The following TMEM117 variants were observed in gnomAD, a reference collection of about 807,000 sequenced individuals.
The protein encoded by TMEM117 is transmembrane protein 117.
In TMEM117, 27 loss-of-function variants were observed where a neutral mutation model predicts 52.4. The ratio of observed to expected loss-of-function variants is 0.51; its 90% CI spans 0.38 to 0.71. TMEM117 has a LOEUF of 0.71. TMEM117 is among the 30% of genes least tolerant of loss of function. The probability of loss-of-function intolerance (pLI) is 0.00; values close to 1 mark genes in which losing one functional copy is unlikely to be tolerated. For missense variants in TMEM117, 556 were observed against 630.5 expected (o/e 0.88, Z 1.26); for synonymous variants, 215 against 206.3 (o/e 1.04, Z -0.36).
At chr12:44,245,804 T>C (rs1047246809) in intron 5 of TMEM117, among the ~76,000 whole-genome samples, 2 of 152,060 alleles carry the variant, frequency 1.3e-5, no homozygotes, top group African/African-American at 2.4e-5. Context: ...ATTAGAATGA[T>C]TGTTAGGAAA....
chr12:44,084,575 C>T (rs1447524581), intron 3 of TMEM117, among the ~76,000 whole-genome samples: 1 of 151,968 alleles, frequency 6.6e-6, no homozygotes, highest in African/African-American at 2.4e-5. Context: ...TCATTCTTTC[C>T]CTCATCTGTA....
intron 4 of TMEM117, among the ~76,000 whole-genome samples, chr12:44,195,908 A>ATAAT (rs778810332): frequency 9.4e-5 from 14 of 149,254 alleles, no homozygotes; most frequent in Middle Eastern, 3.2e-3. Flanking sequence ...AAATAAATAA[A>ATAAT]TAAATAAATA....
At chr12:43,966,910 A>G (rs1945494075) in intron 3 of TMEM117, among the ~76,000 whole-genome samples, 1 of 152,218 alleles carries the variant, frequency 6.6e-6, no homozygotes, top group African/African-American at 2.4e-5. Context: ...CAAATCTGTC[A>G]TGCCCTGCCT....
intron 3 of TMEM117, among the ~76,000 whole-genome samples, chr12:44,042,791 C>G (rs959948739): frequency 6.6e-5 from 10 of 151,264 alleles, no homozygotes; most frequent in Non-Finnish European, 1.5e-4. Context: ...CACACACACA[C>G]ACACACACAC....
rs772258917 is a variant in TMEM117 at position 44,086,214 on chromosome 12, CTTT to C, written c.411-57295_411-57293del. ...AGTATCTTGGATGTTGCTTCCAAGT[CTTT>C]TTTTTTTTTTTTTTTGAGATGGAGT... is the stretch of plus-strand genomic sequence containing the variant. On this transcript the variant is annotated intron_variant, in intron 3 of 7. Transcript: ENST00000266534. Among the ~76,000 whole-genome samples, 14 of 125,368 alleles carry C rather than the reference CTTT, an allele frequency of 1.1e-4. No homozygotes were observed. The South Asian group carries it at 2.6e-3, about 24-fold the overall frequency. 82.2% of individuals were successfully genotyped at this position (125,368 alleles called of 152,430 possible).
At chr12:43,976,869 G>A (rs530555758) in intron 3 of TMEM117, among the ~76,000 whole-genome samples, 1 of 152,288 alleles carries the variant, frequency 6.6e-6, no homozygotes, top group East Asian at 1.9e-4. Context: ...CCTAGAATTA[G>A]TAAATAACAT....
intron 2 of TMEM117, among the ~76,000 whole-genome samples, chr12:43,929,065 G>T (rs1304422674): frequency 6.6e-6 from 1 of 151,746 alleles, no homozygotes; most frequent in Non-Finnish European, 1.5e-5. Flanking sequence ...ATGTGTGCAT[G>T]TGTCTTTATA....
chr12:44,381,822 T>TA (rs1288239680), intron 7 of TMEM117, among the ~76,000 whole-genome samples: 1 of 152,084 alleles, frequency 6.6e-6, no homozygotes, highest in Non-Finnish European at 1.5e-5. Flanking sequence ...TGTTTTTTTT[T>TA]AAAGAGCTCT....
chr12:43,889,216 G>A lies in TMEM117; in HGVS notation c.277+44288G>A, dbSNP rs549793641. On this transcript the variant is annotated intron_variant, in intron 2 of 7. Transcript: ENST00000266534. Reference sequence around the variant, plus strand: ...TCCTGCCTCAGCCTCATGAGTAGCTGGGATTACAGGCGTCTGCCACCATGC... The same window carrying A: ...TCCTGCCTCAGCCTCATGAGTAGCTAGGATTACAGGCGTCTGCCACCATGC... 4.8e-4 allele frequency among the ~76,000 whole-genome samples: 73 copies of A among 152,090 alleles called. 2 individuals are homozygous for A. In the South Asian group the frequency reaches 0.015, roughly 31 times the overall value.
At chr12:43,938,408 G>C (rs1336096356) in intron 2 of TMEM117, among the ~76,000 whole-genome samples, 1 of 151,794 alleles carries the variant, frequency 6.6e-6, no homozygotes, top group Non-Finnish European at 1.5e-5. Context: ...AGAAGTGCTA[G>C]GGCAAAAGCG....
At chr12:43,800,317 C>T in the TMEM117 span, 1 of 684,484 alleles carries the variant, frequency 1.5e-6, no homozygotes, top group South Asian at 2.0e-5. Context: ...TACAGTATTT[C>T]TCTTATTCTC....
the TMEM117 span, chr12:43,799,549 A>G: frequency 8.8e-7 from 1 of 1,135,404 alleles, no homozygotes. Context: ...TAGAAGTAAA[A>G]TGACAGTGAA....
chr12:43,889,062 T>A, intron 2 of TMEM117, among the ~76,000 whole-genome samples: 1 of 150,980 alleles, frequency 6.6e-6, no homozygotes, highest in Non-Finnish European at 1.5e-5. Context: ...AAACTTGCAC[T>A]TTAGATCCTC....
chr12:44,109,963 G>C (rs1948028698), intron 3 of TMEM117, among the ~76,000 whole-genome samples: 1 of 95,978 alleles, frequency 1.0e-5, no homozygotes, highest in African/African-American at 5.4e-5. Flanking sequence ...TATTCTCTTG[G>C]AAGCAATTGT....
the TMEM117 span, among the ~76,000 whole-genome samples, chr12:43,803,122 ATG>A: frequency 2.0e-5 from 3 of 152,184 alleles, no homozygotes; most frequent in Non-Finnish European, 4.4e-5. Context: ...TGCAAAAATA[ATG>A]TGTGGCATAG....
intron 2 of TMEM117, among the ~76,000 whole-genome samples, chr12:43,878,933 T>A (rs1943849358): frequency 6.6e-6 from 1 of 152,184 alleles, no homozygotes; most frequent in African/African-American, 2.4e-5. Context: ...AAATATCTAG[T>A]GAAAGAAGTT....
intron 4 of TMEM117, among the ~76,000 whole-genome samples, chr12:44,155,035 T>C (rs1048190951): frequency 3.3e-5 from 5 of 152,120 alleles, no homozygotes; most frequent in African/African-American, 9.6e-5. Flanking sequence ...TTTTTGCTAC[T>C]ATTTTTGTCC....
chr12:44,327,649 C>A (rs892633327), intron 6 of TMEM117, among the ~76,000 whole-genome samples: 3 of 152,096 alleles, frequency 2.0e-5, no homozygotes, highest in African/African-American at 7.2e-5. Context: ...TCATTCTGGC[C>A]ATTAACGGAT....
At chr12:44,192,181 A>T (rs1949363932) in intron 4 of TMEM117, among the ~76,000 whole-genome samples, 1 of 152,132 alleles carries the variant, frequency 6.6e-6, no homozygotes, top group African/African-American at 2.4e-5. Context: ...AGGGTGGTCA[A>T]ATGTCACCCT....
Sources: gnomAD v4.1 joint callset for allele counts (sites outside exome capture counted in the v4.1 genomes callset) on GRCh38, gnomAD v4.1.1 for gene constraint, MANE v1.5 for transcripts, NCBI Gene and HGNC (gene_info 2026-07-23, HGNC 2026-07-21) for gene names.